TIAM2: variants seen among roughly 807,000 people sequenced by gnomAD.
The protein encoded by TIAM2 is rho guanine nucleotide exchange factor TIAM2.
Under a neutral mutation model 152.9 loss-of-function variants are expected in TIAM2, and 80 were observed. The ratio of observed to expected loss-of-function variants is 0.52; its 90% CI spans 0.44 to 0.63. TIAM2 has a LOEUF of 0.63. Ranked by LOEUF, TIAM2 falls within the 30% of genes least tolerant of loss-of-function variation. The pLI, the probability that TIAM2 is intolerant of heterozygous loss-of-function variation, is 0.00. For missense variants in TIAM2, 1,965 were observed against 2,120.1 expected (o/e 0.93, Z 1.44); for synonymous variants, 804 against 838.0 (o/e 0.96, Z 0.70).
intron 1 of TIAM2, among the ~76,000 whole-genome samples, chr6:155,064,285 A>G (rs1777644114): frequency 6.6e-6 from 1 of 152,218 alleles, no homozygotes; most frequent in Non-Finnish European, 1.5e-5. Flanking sequence ...ATAATACAGT[A>G]TCTTATATTT....
intron 1 of TIAM2, among the ~76,000 whole-genome samples, chr6:155,022,102 T>G (rs138212466): frequency 2.0e-5 from 3 of 152,314 alleles, no homozygotes; most frequent in African/African-American, 7.2e-5. Flanking sequence ...CAAAGGAGCT[T>G]AGGAAAATGA....
chr6:155,017,662 C>A (rs916909092), intron 1 of TIAM2, among the ~76,000 whole-genome samples: 1 of 151,982 alleles, frequency 6.6e-6, no homozygotes, highest in Non-Finnish European at 1.5e-5. Context: ...TGCCACCACG[C>A]CCGGCTAATT....
chr6:155,253,031 A>G lies in TIAM2; in HGVS notation c.4203A>G (p.Gln1401=), dbSNP rs147404276. 2 of 1,614,044 alleles carry G rather than the reference A, an allele frequency of 1.2e-6. No homozygotes were observed. The highest frequency in any genetic ancestry group is 2.7e-5 in the African/African-American group (2 of 74,910). Residue 1401 remains glutamine, a synonymous_variant, in exon 24 of 27, where the codon CAA becomes CAG. Transcript: ENST00000682666. ...FRWLIPISAL[Q]VRLGNPAGTE... is the part of the protein sequence containing the mutation. ...GGTTGATCCCCATCTCCGCGCTTCA[A>G]GTCAGACTGGGGAATCCAGCAGGTA...
chr6:155,154,962 T>A (rs1780070152), intron 7 of TIAM2, among the ~76,000 whole-genome samples: 1 of 152,142 alleles, frequency 6.6e-6, no homozygotes, highest in Non-Finnish European at 1.5e-5. Context: ...ACGAGGATAC[T>A]GTGGTGTATT....
chr6:155,077,334 G>A (rs1777983048), intron 1 of TIAM2, among the ~76,000 whole-genome samples: 1 of 152,048 alleles, frequency 6.6e-6, no homozygotes. Flanking sequence ...AATTGCTATT[G>A]ATTTTAGAAT....
intron 15 of TIAM2, among the ~76,000 whole-genome samples, chr6:155,239,727 C>A (rs1026002627): frequency 3.3e-5 from 5 of 152,190 alleles, no homozygotes; most frequent in African/African-American, 9.6e-5. Flanking sequence ...TTCCTCTGAG[C>A]CCACATTCCC....
rs33971396 is a variant in TIAM2, at chr6:155,038,953, C to CTTT, written c.-209+43483_-209+43485dup. ...CGGAGCGAGAGCCTGTGAGCATGTCCTTTTTTTTTTTTTTTTTTTTTTTTG... is the reference window on the plus strand; with the variant it reads ...CGGAGCGAGAGCCTGTGAGCATGTCCTTTTTTTTTTTTTTTTTTTTTTTTTTTG... On this transcript the variant is annotated intron_variant, in intron 1 of 26. Transcript: ENST00000682666. Among the ~76,000 whole-genome samples the CTTT allele has an allele frequency of 2.6e-3, 164 of 64,188 alleles. 2 individuals are homozygous for CTTT. Among genetic ancestry groups the CTTT allele is most frequent in the African/African-American group, 0.011 (157 of 13,902 alleles). The allele number at this position is 64,188 out of a possible 152,430, so 42.1% of individuals were successfully genotyped here.
chr6:155,093,654 T>C (rs1778350818), intron 2 of TIAM2, among the ~76,000 whole-genome samples: 1 of 152,148 alleles, frequency 6.6e-6, no homozygotes, highest in South Asian at 2.1e-4. Context: ...CTCTTTGCAA[T>C]AGTGAGCGTC....
intron 21 of TIAM2, chr6:155,250,586 A>G (rs1434851853): frequency 1.3e-6 from 2 of 1,535,896 alleles, no homozygotes; most frequent in Non-Finnish European, 1.7e-6. Flanking sequence ...TCCCAGGGGA[A>G]AGCTTACAAA....
At chr6:155,230,313 CCA>C (rs1782415465) in intron 15 of TIAM2, among the ~76,000 whole-genome samples, 1 of 152,232 alleles carries the variant, frequency 6.6e-6, no homozygotes, top group Admixed American at 6.5e-5. Flanking sequence ...CTGCCTTGGG[CCA>C]CAGTTACACT....
At chr6:155,195,095 T>C (rs1328792009) in intron 14 of TIAM2, among the ~76,000 whole-genome samples, 5 of 152,230 alleles carry the variant, frequency 3.3e-5, no homozygotes, top group African/African-American at 1.2e-4. Flanking sequence ...GGTATGTCTT[T>C]ATTAGCAGTG....
chr6:154,997,722 C>G (rs573149971), intron 1 of TIAM2, among the ~76,000 whole-genome samples: 42 of 146,680 alleles, frequency 2.9e-4, no homozygotes, highest in Non-Finnish European at 4.6e-4. Context: ...CTCACCGCAG[C>G]CTCAGCCTCC....
rs1781769347 is a variant in TIAM2, at chr6:155,213,436, G to GCA, written c.3168+2130_3168+2131insAC. Among the ~76,000 whole-genome samples, 1 of 152,154 alleles carries GCA rather than the reference G, an allele frequency of 6.6e-6. No homozygotes were observed. The highest frequency in any genetic ancestry group is 1.5e-5 in the Non-Finnish European group (1 of 68,030). Reference sequence around the variant, plus strand: ...TAAGCAGAGAGGAGACCCTGGAGTAGCTCCTCTCCTCAGCTGGTTGTCTCA... The same window carrying GCA: ...TAAGCAGAGAGGAGACCCTGGAGTAGCACTCCTCTCCTCAGCTGGTTGTCTCA... On this transcript the variant is annotated intron_variant, in intron 15 of 26. Transcript: ENST00000682666. The surrounding 1 kb of genome is among the most constrained non-coding windows in gnomAD (Gnocchi z 4.2).
chr6:155,043,817 C>T (rs999351378), intron 1 of TIAM2, among the ~76,000 whole-genome samples: 3 of 151,984 alleles, frequency 2.0e-5, no homozygotes, highest in Non-Finnish European at 4.4e-5. Flanking sequence ...TAATCAGCTA[C>T]TTAGTTACAA....
At chr6:155,242,884 C>T (rs1199121909) in intron 16 of TIAM2, among the ~76,000 whole-genome samples, 10 of 148,694 alleles carry the variant, frequency 6.7e-5, no homozygotes, top group African/African-American at 1.7e-4. Context: ...TACAGGCACC[C>T]GCCACCACAC....
intron 14 of TIAM2, among the ~76,000 whole-genome samples, chr6:155,198,431 G>A (rs958786559): frequency 6.6e-6 from 1 of 152,290 alleles, no homozygotes; most frequent in African/African-American, 2.4e-5. Context: ...GGGAAGCCGA[G>A]GCGGGTGGAT....
At chr6:155,216,889 T>A (rs1781872916) in intron 15 of TIAM2, 1 of 1,169,998 alleles carries the variant, frequency 8.5e-7, no homozygotes, top group African/African-American at 1.6e-5. Context: ...TCACCGGTGC[T>A]GCTGTGGAGG....
chr6:155,208,348 T>C (rs1781640872), intron 14 of TIAM2, among the ~76,000 whole-genome samples: 1 of 152,218 alleles, frequency 6.6e-6, no homozygotes, highest in Admixed American at 6.5e-5. Flanking sequence ...AAGGTACCTC[T>C]CTTGAGAATC....
At chr6:155,235,399 C>G (rs1381099430) in intron 15 of TIAM2, among the ~76,000 whole-genome samples, 2 of 152,192 alleles carry the variant, frequency 1.3e-5, no homozygotes, top group Non-Finnish European at 2.9e-5. Context: ...GGCCTTCTGA[C>G]TCTCATCTGT....
Sources: gnomAD v4.1 joint callset for allele counts (sites outside exome capture counted in the v4.1 genomes callset) on GRCh38, gnomAD v4.1.1 for gene constraint, Gnocchi (gnomAD v3.1) non-coding constraint, MANE v1.5 for transcripts, NCBI Gene and HGNC (gene_info 2026-07-23, HGNC 2026-07-21) for gene names.